CACNA1C: variants seen among roughly 807,000 people sequenced by gnomAD.
CACNA1C encodes the protein voltage-dependent L-type calcium channel subunit alpha-1C.
Under a neutral mutation model 229.0 loss-of-function variants are expected in CACNA1C, and 30 were observed. The ratio of observed to expected loss-of-function variants is 0.13; its 90% confidence interval spans 0.10 to 0.18. The LOEUF is 0.18. Among genes scored for constraint, CACNA1C ranks in the 10% least tolerant of loss-of-function variants. The probability of loss-of-function intolerance (pLI) is 1.00; values close to 1 mark genes in which losing one functional copy is unlikely to be tolerated. For synonymous variants in CACNA1C, 1,114 were observed against 1,132.5 expected (o/e 0.98, Z 0.33); for missense variants, 1,658 against 2,845.0 (o/e 0.58, Z 9.49).
intron 1 of CACNA1C, among the ~76,000 whole-genome samples, chr12:2,069,594 G>C (rs4765663): frequency 0.14 from 21,878 of 152,164 alleles, 1,703 homozygotes; most frequent in South Asian, 0.2. Context: ...TGTCACATTG[G>C]CATTTTGTTC....
At chr12:2,261,383 A>G (rs1027947860) in intron 3 of CACNA1C, among the ~76,000 whole-genome samples, 4 of 152,216 alleles carry the variant, frequency 2.6e-5, no homozygotes, top group African/African-American at 9.6e-5. Flanking sequence ...TTACTAGAAA[A>G]CAGCTGGGTT....
intron 1 of CACNA1C, among the ~76,000 whole-genome samples, chr12:2,081,453 C>T (rs2065582597): frequency 6.6e-6 from 1 of 152,118 alleles, no homozygotes; most frequent in South Asian, 2.1e-4. Flanking sequence ...CGCCTGTAGT[C>T]CCCGCTACTC....
At position 2,598,014 on chromosome 12, in the gene CACNA1C, T is replaced by C. The variant is rs185909820; in HGVS notation, c.2853+725T>C. 4.3e-4 allele frequency among the ~76,000 whole-genome samples: 65 copies of C among 152,266 alleles called. 2 individuals are homozygous for C. Among genetic ancestry groups the C allele is most frequent in the African/African-American group, 1.5e-3 (64 of 41,558 alleles). The stretch of plus-strand genomic sequence containing the variant: ...AGCAGATATTGGGTCTAAGCTGGAG[T>C]TGGGGCTGTGTCACAGTGATCACAG... On this transcript the variant is annotated intron_variant, in intron 21 of 46. Coordinates refer to ENST00000399655, the MANE Select transcript of CACNA1C (RefSeq NM_000719.7).
chr12:2,419,319 G>A (rs972193268), intron 3 of CACNA1C, among the ~76,000 whole-genome samples: 6 of 152,132 alleles, frequency 3.9e-5, no homozygotes, highest in Non-Finnish European at 8.8e-5. Context: ...GGGAGCAAGA[G>A]AGAGGGAGGG....
At chr12:2,495,462 T>C (rs749182056) in intron 7 of CACNA1C, among the ~76,000 whole-genome samples, 3 of 152,212 alleles carry the variant, frequency 2.0e-5, no homozygotes, top group Non-Finnish European at 4.4e-5. Context: ...TAGGAATAGA[T>C]ATGACTGCCT....
intron 3 of CACNA1C, among the ~76,000 whole-genome samples, chr12:2,204,834 C>CCTAATG (rs749638549): frequency 5.8e-5 from 8 of 138,924 alleles, no homozygotes; most frequent in South Asian, 5.2e-4. Context: ...GGGAGATATA[C>CCTAATG]CTAATGCTAG....
At chr12:2,324,741 C>T (rs1450984343) in intron 3 of CACNA1C, among the ~76,000 whole-genome samples, 5 of 151,932 alleles carry the variant, frequency 3.3e-5, no homozygotes, top group East Asian at 3.9e-4. Context: ...ACTTCCTTGG[C>T]GGGCTTGCTT....
chr12:2,213,909 C>T (rs2059324867), intron 3 of CACNA1C, among the ~76,000 whole-genome samples: 1 of 152,234 alleles, frequency 6.6e-6, no homozygotes, highest in South Asian at 2.1e-4. Context: ...GTCTAGGGCA[C>T]CTCAAGATTT....
chr12:2,569,202 C>T (rs1045017579), intron 13 of CACNA1C, among the ~76,000 whole-genome samples: 1 of 152,166 alleles, frequency 6.6e-6, no homozygotes, highest in African/African-American at 2.4e-5. Flanking sequence ...AAGACAAGGA[C>T]AGGGCTGAGG....
rs149764832 is a variant in CACNA1C at position 2,130,124 on chromosome 12, G to A, written c.477+9694G>A. Among the ~76,000 whole-genome samples the A allele has an allele frequency of 3.5e-3, 531 of 150,598 alleles. 3 individuals are homozygous for A. The highest frequency in any genetic ancestry group is 6.5e-3 in the Non-Finnish European group (441 of 67,872). ...TAGCAGCAATAACTTCAGCCCTTAC[G>A]CTGCTGGCATTGCTCTATGGTCCGT... On this transcript the variant is annotated intron_variant, in intron 3 of 46. Transcript: ENST00000399655.
At chr12:2,107,897 T>G (rs1383596519) in intron 1 of CACNA1C, among the ~76,000 whole-genome samples, 1 of 152,230 alleles carries the variant, frequency 6.6e-6, no homozygotes, top group African/African-American at 2.4e-5. Context: ...CCACAAGGAC[T>G]TTGTCTTAAT....
intron 1 of CACNA1C, among the ~76,000 whole-genome samples, chr12:2,010,611 T>C (rs751610467): frequency 6.6e-6 from 1 of 152,192 alleles, no homozygotes; most frequent in Non-Finnish European, 1.5e-5. Flanking sequence ...TCTATTAATT[T>C]ACTGTCACTG....
In CACNA1C at chr12:2,181,763, A is replaced by G. The variant is rs1392524287; in HGVS notation, c.477+61333A>G. Among the ~76,000 whole-genome samples the G allele has an allele frequency of 6.6e-6, 1 of 152,130 alleles. No individual in the cohort carries two copies. Among genetic ancestry groups the G allele is most frequent in the Admixed American group, 6.5e-5 (1 of 15,276 alleles). On this transcript the variant is annotated intron_variant, in intron 3 of 46. Transcript: ENST00000399655. This position sits in a 1 kb window ranked among gnomAD's most constrained non-coding sequence, Gnocchi z 4.0. Reference sequence around the variant, plus strand: ...TCCTCACAATAACCCCATGGGGTAGATATTACTGTTATTACCCTTTTATAG... The same window carrying G: ...TCCTCACAATAACCCCATGGGGTAGGTATTACTGTTATTACCCTTTTATAG...
chr12:1,978,358 C>T (rs184530997), intron 1 of CACNA1C, among the ~76,000 whole-genome samples: 4 of 152,114 alleles, frequency 2.6e-5, no homozygotes, highest in Non-Finnish European at 4.4e-5. Context: ...AAAGCCAAGA[C>T]GCAAAGTAAT....
At chr12:2,660,049 G>C (rs565975865) in intron 34 of CACNA1C, 1 of 163,058 alleles carries the variant, frequency 6.1e-6, no homozygotes, top group African/African-American at 2.4e-5. Context: ...AGTCGCTGGT[G>C]CCACTCTGGG....
chr12:2,684,485 A>C (rs1655805348), intron 43 of CACNA1C, among the ~76,000 whole-genome samples: 1 of 152,178 alleles, frequency 6.6e-6, no homozygotes, highest in South Asian at 2.1e-4. Flanking sequence ...TATATTTTAA[A>C]CTATTTCGGT....
intron 6 of CACNA1C, among the ~76,000 whole-genome samples, chr12:2,491,633 AAGGAGGAGGAGGAGG>A (rs567691310): frequency 6.7e-6 from 1 of 149,324 alleles, no homozygotes; most frequent in African/African-American, 2.5e-5. Flanking sequence ...AGAGGAGAAG[AAGGAGGAGGAGGAGG>A]AGGAAGAGGA....
chr12:2,082,144 A>G (rs1025273223), intron 1 of CACNA1C, among the ~76,000 whole-genome samples: 1 of 152,154 alleles, frequency 6.6e-6, no homozygotes, highest in Non-Finnish European at 1.5e-5. Flanking sequence ...GTTAAACTAT[A>G]ATAAGCACCT....
intron 9 of CACNA1C, among the ~76,000 whole-genome samples, chr12:2,549,175 T>C (rs1420062380): frequency 6.6e-6 from 1 of 152,184 alleles, no homozygotes; most frequent in African/African-American, 2.4e-5. Context: ...GCTGGACAAG[T>C]TGAATTAAAC....
Sources: gnomAD v4.1 joint callset for allele counts (sites outside exome capture counted in the v4.1 genomes callset) on GRCh38, gnomAD v4.1.1 for gene constraint, Gnocchi (gnomAD v3.1) non-coding constraint, MANE v1.5 for transcripts, NCBI Gene and HGNC (gene_info 2026-07-23, HGNC 2026-07-21) for gene names.